The following HELZ2 variants were observed in gnomAD, a reference collection of about 807,000 sequenced individuals.
HELZ2 encodes helicase with zinc finger 2.
Under a neutral mutation model 208.8 loss-of-function variants are expected in HELZ2, and 143 were observed. That is an observed-to-expected ratio of 0.68 (90% confidence interval 0.60 to 0.79). The LOEUF (loss-of-function observed/expected upper bound fraction) is 0.79. Among genes scored for constraint, HELZ2 ranks in the 30% least tolerant of loss-of-function variants. HELZ2 has a pLI of 0.00. For synonymous variants in HELZ2, 1,705 were observed against 1,693.7 expected (o/e 1.01, Z -0.16); for missense variants, 3,690 against 3,794.5 (o/e 0.97, Z 0.72).
chr20:63,560,720 G>T, intron 15 of HELZ2, 23 bp from the exon 17 acceptor site: 2 of 1,605,248 alleles, frequency 1.2e-6, no homozygotes, highest in Non-Finnish European at 1.7e-6. Flanking sequence ...ATGTGCGCTG[G>T]TCAGAGGCTG....
At chr20:63,563,932 G>A in exon 8 of HELZ2, 1 of 1,594,056 alleles carries the variant, frequency 6.3e-7, no homozygotes, top group East Asian at 2.3e-5. Flanking sequence ...CAGGAGCCAG[G>A]AATGGGTGCA....
chr20:63,564,998 C>A (rs1380596299), exon 8 of HELZ2: 2 of 1,596,786 alleles, frequency 1.3e-6, no homozygotes, highest in African/African-American at 2.7e-5. Context: ...GTAGTAGAAG[C>A]CTTGCCGCCA....
At chr20:63,561,606 G>T (rs1204422885) in exon 12 of HELZ2, 3 of 1,603,990 alleles carry the variant, frequency 1.9e-6, no homozygotes, top group Non-Finnish European at 2.6e-6. Flanking sequence ...CACACCTGAG[G>T]CTCTGGTTCG....
At chr20:63,573,152 G>A (rs2083030676), upstream of HELZ2, 1 of 152,264 alleles carries the variant, frequency 6.6e-6, no homozygotes, top group African/African-American at 2.4e-5. This position sits in a 1 kb window ranked among gnomAD's most constrained non-coding sequence, Gnocchi z 4.9. Flanking sequence ...GGCTCTCCAG[G>A]GAGGCGTCTG....
chr20:63,561,906 C>T, exon 11 of HELZ2: 1 of 1,584,060 alleles, frequency 6.3e-7, no homozygotes, highest in South Asian at 1.1e-5. Context: ...ACGGGGGGGG[C>T]CTCCGGGCTG....
chr20:63,561,318 G>A (rs2082884065), intron 13 of HELZ2, 32 bp downstream of exon 14: 5 of 1,612,544 alleles, frequency 3.1e-6, no homozygotes, highest in Non-Finnish European at 4.2e-6. Flanking sequence ...CCATGCTGCA[G>A]GCAGCTCCAC....
chr20:63,570,538 G>A, exon 3 of HELZ2: 1 of 1,613,412 alleles, frequency 6.2e-7, no homozygotes, highest in Non-Finnish European at 8.5e-7. Context: ...GCTGTACTGG[G>A]TCTTCCTCTC....
At chr20:63,563,246 A>G (rs1157421769) in exon 8 of HELZ2, 2 of 1,553,746 alleles carry the variant, frequency 1.3e-6, no homozygotes, top group Non-Finnish European at 1.7e-6. Flanking sequence ...CACCTGCACC[A>G]GCTCCCGCCG....
At chr20:63,572,788 G>A (rs1046248813), upstream of HELZ2, 7 of 186,606 alleles carry the variant, frequency 3.8e-5, no homozygotes, top group Admixed American at 2.4e-4. Flanking sequence ...GGGCCTCCTC[G>A]CGACTGCGGG....
exon 6 of HELZ2, chr20:63,567,213 C>T (rs568573053): frequency 6.9e-5 from 111 of 1,607,608 alleles, no homozygotes; most frequent in East Asian, 4.5e-5. Flanking sequence ...GGTGCAGCAG[C>T]GTGTGCTCGG....
At chr20:63,569,711 A>C in intron 3 of HELZ2, 46 bp from the exon 5 acceptor site, 1 of 1,457,188 alleles carries the variant, frequency 6.9e-7, no homozygotes, top group Non-Finnish European at 9.0e-7. Flanking sequence ...GCTCCCCCCA[A>C]CCCTCCCGAG....
chr20:63,567,871 C>T, intron 5 of HELZ2: 1 of 770,620 alleles, frequency 1.3e-6, no homozygotes, highest in Non-Finnish European at 2.0e-6. Flanking sequence ...CTGCACCTCC[C>T]TGGTCCCCAG....
chr20:63,566,926 A>C (rs771104992), exon 6 of HELZ2: 8 of 1,610,292 alleles, frequency 5.0e-6, no homozygotes, highest in Non-Finnish European at 6.8e-6. Context: ...GGCCTCCTGC[A>C]CCTTCTCGAC....
At position 63,562,897 on chromosome 20, in the gene HELZ2, C is replaced by T. The variant is rs754116199; in HGVS notation, c.5925G>A (p.Ala1975=). ...GCAGCTGCCCCTGCGGCGTCCGTGA[C>T]GCCTCCCAGGAGACACTCAGGTGCT... Residue 1975 remains alanine, a synonymous_variant, in exon 8 of 19, where the codon GCG becomes GCA. Transcript: ENST00000467148. 8.8e-5 allele frequency: 140 copies of T among 1,599,866 alleles called. 2 individuals are homozygous for T. In the South Asian group the frequency reaches 1.4e-3, roughly 16 times the overall value.
At chr20:63,564,717 C>T in exon 8 of HELZ2, 1 of 1,609,060 alleles carries the variant, frequency 6.2e-7, no homozygotes, top group Non-Finnish European at 8.5e-7. Flanking sequence ...ATGTGCACAG[C>T]CACCTCGCAC....
At chr20:63,560,863 C>T in exon 15 of HELZ2, 1 of 1,613,264 alleles carries the variant, frequency 6.2e-7, no homozygotes, top group Non-Finnish European at 8.5e-7. Context: ...CGGTCCAGAC[C>T]CAGGTTTTGC....
In HELZ2 at chr20:63,560,102, G is replaced by T. The variant is rs371414905; in HGVS notation, c.7658-7C>A. The T allele has an allele frequency of 1.6e-5, 26 of 1,583,974 alleles. No individual in the cohort carries two copies. The highest frequency in any genetic ancestry group is 2.0e-5 in the Non-Finnish European group (23 of 1,169,864). ...ACATAGCGCCACTCGCTCCCTGCGG[G>T]ATGGGAGGTGAGGCCCTGCTGCCGC... On this transcript the variant is annotated splice_polypyrimidine_tract_variant and splice_region_variant and intron_variant, in intron 17 of 18. Coordinates refer to ENST00000467148, the Ensembl canonical transcript of HELZ2.
chr20:63,560,622 G>A, exon 16 of HELZ2: 3 of 1,610,776 alleles, frequency 1.9e-6, no homozygotes, highest in South Asian at 1.1e-5. Context: ...ACACTGGGCG[G>A]CCTCCTCAGG....
At chr20:63,568,446 T>A in exon 5 of HELZ2, 1 of 1,603,228 alleles carries the variant, frequency 6.2e-7, no homozygotes, top group Non-Finnish European at 8.5e-7. Context: ...GTCTTGCCGG[T>A]GCCAAAGGGG....
Sources: allele counts gnomAD v4.1 joint callset, GRCh38; gene constraint gnomAD v4.1.1; non-coding constraint Gnocchi (gnomAD v3.1); transcripts MANE v1.5; gene names NCBI Gene and HGNC (gene_info 2026-07-23, HGNC 2026-07-21).